Variants in MSRB3 observed in about 807,000 individuals in gnomAD.
The protein encoded by MSRB3 is methionine-R-sulfoxide reductase B3.
Under a neutral mutation model 21.0 loss-of-function variants are expected in MSRB3, and 13 were observed. That is an observed-to-expected ratio of 0.62 (90% CI 0.40 to 0.98). The LOEUF is 0.98. Among genes scored for constraint, MSRB3 ranks in the 50% least tolerant of loss-of-function variants. MSRB3 has a pLI of 0.00. For missense variants in MSRB3, 199 were observed against 230.3 expected, an observed-to-expected ratio of 0.86 and a Z score of 0.88; for synonymous variants, 87 against 88.6, an observed-to-expected ratio of 0.98 and a Z score of 0.10.
rs745582751 is a variant in MSRB3 at position 65,341,032 on chromosome 12, A to G, written c.263+12429A>G. Among the ~76,000 whole-genome samples the G allele has an allele frequency of 4.3e-4, 66 of 152,110 alleles. 1 individual carries two copies. Among genetic ancestry groups the G allele is most frequent in the Admixed American group, 1.3e-3 (20 of 15,262 alleles). On this transcript the variant is annotated intron_variant, in intron 4 of 6. Coordinates refer to ENST00000308259, the MANE Select transcript of MSRB3 (RefSeq NM_001031679.3). Reference sequence around the variant, plus strand: ...TTGACAAATGTAAAGTACTCCTAAAATCAAGATCTGATAAAAAGATATTCA... The same window carrying G: ...TTGACAAATGTAAAGTACTCCTAAAGTCAAGATCTGATAAAAAGATATTCA...
At chr12:65,322,718 A>C (rs1485350057) in intron 2 of MSRB3, among the ~76,000 whole-genome samples, 1 of 151,538 alleles carries the variant, frequency 6.6e-6, no homozygotes, top group African/African-American at 2.4e-5. Context: ...TGAGTTTTGC[A>C]GTCAGACAGC....
intron 4 of MSRB3, among the ~76,000 whole-genome samples, chr12:65,353,717 C>T (rs1877193788): frequency 6.6e-6 from 1 of 152,092 alleles, no homozygotes; most frequent in South Asian, 2.1e-4. Context: ...AGCATTTAGC[C>T]CATTTACATT....
intron 5 of MSRB3, among the ~76,000 whole-genome samples, chr12:65,398,223 C>T (rs1405057946): frequency 2.0e-5 from 3 of 152,218 alleles, no homozygotes; most frequent in Non-Finnish European, 4.4e-5. Context: ...TACACTCCTA[C>T]CAACAGTGTA....
intron 5 of MSRB3, among the ~76,000 whole-genome samples, chr12:65,379,629 C>T (rs2136555256): frequency 6.6e-6 from 1 of 152,186 alleles, no homozygotes; most frequent in East Asian, 1.9e-4. Flanking sequence ...GGTATATACT[C>T]TTTTTTATAT....
intron 1 of MSRB3, among the ~76,000 whole-genome samples, chr12:65,303,564 A>G (rs1047114581): frequency 6.6e-6 from 1 of 152,242 alleles, no homozygotes; most frequent in African/African-American, 2.4e-5. Context: ...AGCATTGGAA[A>G]TGATGATCCT....
intron 1 of MSRB3, chr12:65,285,860 T>C (rs936483755): frequency 6.6e-6 from 1 of 152,184 alleles, no homozygotes; most frequent in Non-Finnish European, 1.5e-5. Flanking sequence ...GGAAGTGTTT[T>C]CTTAGGGTCT....
chr12:65,293,334 T>C (rs1411972096), intron 1 of MSRB3, among the ~76,000 whole-genome samples: 1 of 152,206 alleles, frequency 6.6e-6, no homozygotes, highest in Non-Finnish European at 1.5e-5. Context: ...GATTTGATTA[T>C]GTTCTCCTTC....
chr12:65,394,843 A>G (rs972390508), intron 5 of MSRB3, among the ~76,000 whole-genome samples: 1 of 152,242 alleles, frequency 6.6e-6, no homozygotes, highest in Non-Finnish European at 1.5e-5. Context: ...AGACACAGAA[A>G]AAGTATTTGA....
chr12:65,366,244 C>A (rs1044499810), intron 4 of MSRB3, among the ~76,000 whole-genome samples: 2 of 152,176 alleles, frequency 1.3e-5, no homozygotes, highest in African/African-American at 4.8e-5. Flanking sequence ...GCCAAGGGGT[C>A]CCTCCAGCCC....
At chr12:65,421,929 G>C (rs916808069) in intron 5 of MSRB3, among the ~76,000 whole-genome samples, 2 of 152,120 alleles carry the variant, frequency 1.3e-5, no homozygotes, top group African/African-American at 4.8e-5. Flanking sequence ...AAAAGGCACA[G>C]AATGGCAAGC....
chr12:65,308,430 A>G (rs1049722415), intron 1 of MSRB3, 99 bp from the exon 2 acceptor site: 59 of 1,465,792 alleles, frequency 4.0e-5, no homozygotes, highest in Non-Finnish European at 5.1e-5. Context: ...GCATGTGTTC[A>G]GTTCCAGATA....
chr12:65,412,896 C>T (rs1592612889), intron 5 of MSRB3, among the ~76,000 whole-genome samples: 1 of 152,002 alleles, frequency 6.6e-6, no homozygotes, highest in South Asian at 2.1e-4. Context: ...GGAGAAGTGC[C>T]GAGTGAGGGG....
At chr12:65,434,601 A>G (rs1882035693) in intron 5 of MSRB3, among the ~76,000 whole-genome samples, 1 of 151,888 alleles carries the variant, frequency 6.6e-6, no homozygotes, top group Non-Finnish European at 1.5e-5. Flanking sequence ...TAAAAATTCC[A>G]GTCCAGTGAA....
At chr12:65,335,099 T>A (rs1284145436) in intron 4 of MSRB3, among the ~76,000 whole-genome samples, 1 of 152,168 alleles carries the variant, frequency 6.6e-6, no homozygotes, top group Non-Finnish European at 1.5e-5. Context: ...ATGTGTGATC[T>A]CAGATTCATC....
At chr12:65,341,313 A>C (rs1036792001) in intron 4 of MSRB3, among the ~76,000 whole-genome samples, 2 of 152,102 alleles carry the variant, frequency 1.3e-5, no homozygotes, top group African/African-American at 4.8e-5. Flanking sequence ...CAGAAAGACA[A>C]ACATCACATG....
chr12:65,351,568 A>G (rs1041403669), intron 4 of MSRB3, among the ~76,000 whole-genome samples: 13 of 150,120 alleles, frequency 8.7e-5, no homozygotes, highest in Admixed American at 8.5e-4. Context: ...ACTGCTAGCA[A>G]GACTAATAAA....
chr12:65,340,716 A>G (rs1876081608), intron 4 of MSRB3, among the ~76,000 whole-genome samples: 1 of 152,156 alleles, frequency 6.6e-6, no homozygotes, highest in Non-Finnish European at 1.5e-5. Context: ...GAGGAAAAGT[A>G]TAATGTTTAA....
chr12:65,317,345 A>G (rs1874365133), intron 2 of MSRB3, among the ~76,000 whole-genome samples: 1 of 152,312 alleles, frequency 6.6e-6, no homozygotes, highest in Middle Eastern at 3.4e-3. Flanking sequence ...AATCATTGTG[A>G]CAAGAATGTA....
intron 5 of MSRB3, among the ~76,000 whole-genome samples, chr12:65,417,571 G>T (rs960018439): frequency 1.6e-4 from 25 of 152,124 alleles, no homozygotes; most frequent in African/African-American, 5.8e-4. Context: ...TAGTCACCAT[G>T]ATGTACAATA....
Sources: gnomAD v4.1 joint callset for allele counts (sites outside exome capture counted in the v4.1 genomes callset) on GRCh38, gnomAD v4.1.1 for gene constraint, MANE v1.5 for transcripts, NCBI Gene and HGNC (gene_info 2026-07-23, HGNC 2026-07-21) for gene names.